The following ADGRB3 variants were observed in gnomAD, a reference collection of about 807,000 sequenced individuals.
ADGRB3 encodes the protein brain-specific angiogenesis inhibitor 3.
A neutral mutation model predicts 193.4 loss-of-function variants in ADGRB3; 37 were observed. The ratio of observed to expected loss-of-function variants is 0.19; its 90% CI spans 0.15 to 0.25. The LOEUF (loss-of-function observed/expected upper bound fraction) is 0.25. Among genes scored for constraint, ADGRB3 ranks in the 10% least tolerant of loss-of-function variants. The pLI is 1.00. For synonymous variants in ADGRB3, 690 were observed against 644.2 expected (o/e 1.07, Z -1.08); for missense variants, 1,637 against 1,852.9 (o/e 0.88, Z 2.14).
chr6:68,681,301 A>G (rs1764890373), intron 3 of ADGRB3, among the ~76,000 whole-genome samples: 2 of 152,220 alleles, frequency 1.3e-5, no homozygotes, highest in East Asian at 1.9e-4. Context: ...CAAATATCCA[A>G]ACTATATCAT....
chr6:68,790,096 G>A (rs190832047), intron 3 of ADGRB3, among the ~76,000 whole-genome samples: 34 of 152,036 alleles, frequency 2.2e-4, no homozygotes, highest in African/African-American at 6.0e-4. Context: ...CCATTCATTC[G>A]AATTTCCTCC....
At chr6:68,662,735 T>C (rs1004927221) in intron 3 of ADGRB3, among the ~76,000 whole-genome samples, 3 of 151,368 alleles carry the variant, frequency 2.0e-5, no homozygotes, top group African/African-American at 7.3e-5. Context: ...TTTGTAGCTT[T>C]AAAAATCAGT....
chr6:69,233,341 C>G lies in ADGRB3; in HGVS notation c.2532C>G (p.Thr844=). The G allele has an allele frequency of 1.2e-6, 2 of 1,614,024 alleles. No homozygotes were observed. Among genetic ancestry groups the G allele is most frequent in the Non-Finnish European group, 1.7e-6 (2 of 1,179,980 alleles). The change falls in exon 18 of 32, where the codon ACC becomes ACG. Residue 844 remains threonine, a synonymous_variant. Transcript: ENST00000370598. ...WSTQGCKTVL[T]DASHTKCLCD... is the part of the protein sequence containing the mutation. Reference sequence around the variant, plus strand: ...CCCAGGGATGTAAAACTGTGCTTACCGATGCATCCCATACGAAATGCTTAT... The same window carrying G: ...CCCAGGGATGTAAAACTGTGCTTACGGATGCATCCCATACGAAATGCTTAT...
At position 68,663,686 on chromosome 6, in the gene ADGRB3, A is replaced by T. The variant is rs549557606; in HGVS notation, c.757+24254A>T. 4.9e-4 allele frequency among the ~76,000 whole-genome samples: 74 copies of T among 151,926 alleles called. 1 individual carries two copies. Among genetic ancestry groups the T allele is most frequent in the Admixed American group, 2.0e-3 (31 of 15,208 alleles). On this transcript the variant is annotated intron_variant, in intron 3 of 31. Transcript: ENST00000370598. ...TAGAAACTTTTGAAGCTTTGAATAG[A>T]AATAATTTTAAAGTGGCAGAAATTC...
At chr6:68,859,869 AG>A (rs1472276778) in intron 3 of ADGRB3, among the ~76,000 whole-genome samples, 2 of 152,204 alleles carry the variant, frequency 1.3e-5, no homozygotes, top group African/African-American at 2.4e-5. Context: ...ATTATTGAGG[AG>A]CCCCAATATT....
chr6:69,384,192 A>G (rs1770011828), intron 31 of ADGRB3, among the ~76,000 whole-genome samples: 1 of 152,048 alleles, frequency 6.6e-6, no homozygotes, highest in African/African-American at 2.4e-5. Context: ...TGAGAAATAT[A>G]CGCTCTAACT....
At chr6:69,361,831 T>TA (rs1769461607) in intron 29 of ADGRB3, among the ~76,000 whole-genome samples, 1 of 151,438 alleles carries the variant, frequency 6.6e-6, no homozygotes, top group African/African-American at 2.4e-5. Context: ...TAAAATAAAA[T>TA]AAATAAATAA....
At position 69,077,712 on chromosome 6, in the gene ADGRB3, T is replaced by C. The variant is rs556279871; in HGVS notation, c.2480+1674T>C. The stretch of plus-strand genomic sequence containing the variant: ...CTGCTGATGACATGACTCTTATCTG[T>C]CACGAAGAATGTCTCAGCTTTACAA... On this transcript the variant is annotated intron_variant, in intron 17 of 31. Coordinates refer to ENST00000370598, the MANE Select transcript of ADGRB3 (RefSeq NM_001704.3). 8.5e-5 allele frequency among the ~76,000 whole-genome samples: 13 copies of C among 152,108 alleles called. No homozygotes were observed. The East Asian group carries it at 1.4e-3, about 16-fold the overall frequency.
At chr6:68,779,109 T>C (rs968368203) in intron 3 of ADGRB3, among the ~76,000 whole-genome samples, 6 of 151,930 alleles carry the variant, frequency 3.9e-5, no homozygotes, top group African/African-American at 1.4e-4. Flanking sequence ...ATATTACGTG[T>C]GTGTGTATAC....
chr6:69,078,365 T>A lies in ADGRB3; in HGVS notation c.2480+2327T>A, dbSNP rs182730335. On this transcript the variant is annotated intron_variant, in intron 17 of 31. Coordinates refer to ENST00000370598, the MANE Select transcript of ADGRB3 (RefSeq NM_001704.3). ...TCCACATCCACCCATATCTCTAAGA[T>A]CATTCCTATTTACATTTTGTTGTTC... Among the ~76,000 whole-genome samples, 21 of 152,140 alleles carry A rather than the reference T, an allele frequency of 1.4e-4. No homozygotes were observed. In the East Asian group the frequency reaches 3.7e-3, roughly 27 times the overall value.
chr6:69,371,380 A>G (rs1284954438), intron 29 of ADGRB3, among the ~76,000 whole-genome samples: 3 of 152,114 alleles, frequency 2.0e-5, no homozygotes, highest in African/African-American at 4.8e-5. Flanking sequence ...AGAGTCTGCT[A>G]CCTATCTTGG....
intron 17 of ADGRB3, among the ~76,000 whole-genome samples, chr6:69,222,827 T>A (rs999083163): frequency 6.6e-6 from 1 of 152,130 alleles, no homozygotes; most frequent in Non-Finnish European, 1.5e-5. Flanking sequence ...TATTGATTTT[T>A]AAAAAAAGAA....
chr6:68,863,914 C>A (rs892325178), intron 3 of ADGRB3, among the ~76,000 whole-genome samples: 3 of 152,128 alleles, frequency 2.0e-5, no homozygotes, highest in Admixed American at 6.6e-5. Context: ...ATGGCATATG[C>A]ATTATACTAA....
chr6:68,677,656 G>A (rs534917632), intron 3 of ADGRB3, among the ~76,000 whole-genome samples: 12 of 151,420 alleles, frequency 7.9e-5, no homozygotes, highest in African/African-American at 2.2e-4. Flanking sequence ...TAGCTGGGAC[G>A]ACAGACGCGC....
intron 3 of ADGRB3, among the ~76,000 whole-genome samples, chr6:68,821,929 T>G (rs1393645007): frequency 6.6e-6 from 1 of 151,996 alleles, no homozygotes; most frequent in East Asian, 1.9e-4. Flanking sequence ...TTAATTCATT[T>G]AATATTTTAC....
intron 3 of ADGRB3, among the ~76,000 whole-genome samples, chr6:68,777,172 C>T (rs764230696): frequency 3.9e-5 from 6 of 152,054 alleles, no homozygotes; most frequent in African/African-American, 7.2e-5. Flanking sequence ...TATAGAACCC[C>T]GCACTGTAAT....
At chr6:69,156,033 A>G (rs888206319) in intron 17 of ADGRB3, among the ~76,000 whole-genome samples, 10 of 152,308 alleles carry the variant, frequency 6.6e-5, no homozygotes, top group African/African-American at 2.4e-4. Context: ...TTAGTTTTAC[A>G]TATGCTCGTT....
Position 68,975,277 on chromosome 6 carries a change from C to T in ADGRB3, c.1671C>T (p.Ala557=). The T allele has an allele frequency of 1.2e-6, 2 of 1,614,048 alleles. No individual in the cohort carries two copies. The highest frequency in any genetic ancestry group is 8.5e-7 in the Non-Finnish European group (1 of 1,179,958). The change falls in exon 10 of 32, where the codon GCC becomes GCT. Residue 557 remains alanine (A), a synonymous_variant. Transcript: ENST00000370598. ...RRCSLSLHGV[A]FWEQPSFARC... ...GCTCTCTCAGTCTTCATGGAGTGGC[C>T]TTCTGGGAACAGCCGAGCTTTGCAA...
chr6:69,324,767 T>C (rs1768532704), intron 20 of ADGRB3, 105 bp from the exon 21 acceptor site: 1 of 1,288,980 alleles, frequency 7.8e-7, no homozygotes, highest in Non-Finnish European at 1.1e-6. Context: ...GAAGTAGATA[T>C]TTGAAATAAA....
Sources: allele counts gnomAD v4.1 joint callset (sites outside exome capture counted in the v4.1 genomes callset), GRCh38; gene constraint gnomAD v4.1.1; transcripts MANE v1.5; gene names NCBI Gene and HGNC (gene_info 2026-07-23, HGNC 2026-07-21).